Variants in ABHD17C observed in about 807,000 individuals in gnomAD.
The protein encoded by ABHD17C is abhydrolase domain containing 17C, depalmitoylase.
A neutral mutation model predicts 27.9 loss-of-function variants in ABHD17C; 11 were observed. The ratio of observed to expected loss-of-function variants is 0.39; its 90% CI spans 0.25 to 0.65. ABHD17C has a LOEUF of 0.65. Ranked by LOEUF, ABHD17C falls within the 30% of genes least tolerant of loss-of-function variation. The probability of loss-of-function intolerance (pLI) is 0.45; values close to 1 mark genes in which losing one functional copy is unlikely to be tolerated. For missense variants in ABHD17C, 280 were observed against 470.2 expected (o/e 0.60, Z 3.74); for synonymous variants, 233 against 209.1 (o/e 1.11, Z -0.98).
chr15:80,695,612 G>A lies in ABHD17C; in HGVS notation c.183G>A (p.Gln61=). ...GAGASAPAPA[Q]ATAAAAAAQP... is the part of the protein sequence containing the mutation. ...GCGCGTCCGCCCCGGCCCCGGCCCA[G>A]GCTACCGCCGCCGCCGCCGCGGCCC... Residue 61 remains glutamine, a synonymous_variant, in exon 1 of 3, where the codon CAG becomes CAA. Coordinates refer to ENST00000258884, the MANE Select transcript of ABHD17C (RefSeq NM_021214.2). The surrounding 1 kb of genome is among the most constrained non-coding windows in gnomAD (Gnocchi z 4.3). The A allele has an allele frequency of 8.6e-7, 1 of 1,164,778 alleles. No homozygotes were observed. Among genetic ancestry groups the A allele is most frequent in the African/African-American group, 1.6e-5 (1 of 61,332 alleles). 72.2% of individuals were successfully genotyped at this position (1,164,778 alleles called of 1,614,324 possible).
chr15:80,730,063 C>T (rs1330291664), intron 1 of ABHD17C, among the ~76,000 whole-genome samples: 1 of 151,916 alleles, frequency 6.6e-6, no homozygotes, highest in Non-Finnish European at 1.5e-5. Flanking sequence ...GAGCTGAGAT[C>T]GCGCCACTGC....
At chr15:80,750,436 C>T (rs1895351077) in intron 2 of ABHD17C, among the ~76,000 whole-genome samples, 1 of 152,118 alleles carries the variant, frequency 6.6e-6, no homozygotes, top group African/African-American at 2.4e-5. Flanking sequence ...AGGATTGTTA[C>T]CCCAGGACTG....
intron 1 of ABHD17C, among the ~76,000 whole-genome samples, chr15:80,744,106 T>C (rs953681695): frequency 1.3e-5 from 2 of 151,612 alleles, no homozygotes; most frequent in Non-Finnish European, 2.9e-5. Context: ...GTCTCTTTTT[T>C]CCCCCCTCTG....
intron 1 of ABHD17C, chr15:80,704,881 C>T (rs1268332271): frequency 1.3e-5 from 2 of 152,256 alleles, no homozygotes; most frequent in African/African-American, 2.4e-5. Context: ...CTTTTTGAGA[C>T]CACGTGTGTG....
chr15:80,713,695 A>G (rs1256611078), intron 1 of ABHD17C, among the ~76,000 whole-genome samples: 1 of 151,694 alleles, frequency 6.6e-6, no homozygotes, highest in Non-Finnish European at 1.5e-5. Context: ...TGTAATCCCA[A>G]CTACTCGGGA....
intron 1 of ABHD17C, among the ~76,000 whole-genome samples, chr15:80,737,287 T>C (rs7171423): frequency 0.15 from 23,182 of 152,186 alleles, 1,938 homozygotes; most frequent in East Asian, 0.26. Context: ...TGCTTAAAAA[T>C]GTTAATGCTT....
chr15:80,722,535 C>G (rs1373114827), intron 1 of ABHD17C, among the ~76,000 whole-genome samples: 1 of 151,564 alleles, frequency 6.6e-6, no homozygotes, highest in Non-Finnish European at 1.5e-5. Flanking sequence ...CAGAAGTTTT[C>G]TCTTGCCCAC....
At position 80,700,213 on chromosome 15, in the gene ABHD17C, A is replaced by G. The variant is rs142930807; in HGVS notation, c.590+4194A>G. Among the ~76,000 whole-genome samples, 15 of 152,324 alleles carry G rather than the reference A, an allele frequency of 9.8e-5. No homozygotes were observed. In the East Asian group the frequency reaches 2.9e-3, roughly 29 times the overall value. Reference sequence around the variant, plus strand: ...CTGTGTGTGCACAAGTGGCACCATGACTCAAGAGACAGTGAATCAGACTGA... The same window carrying G: ...CTGTGTGTGCACAAGTGGCACCATGGCTCAAGAGACAGTGAATCAGACTGA... On this transcript the variant is annotated intron_variant, in intron 1 of 2. Transcript: ENST00000258884.
At chr15:80,705,362 T>TGTGTGTGTGTGTGTGTGTGTGTGTG (rs776574776) in intron 1 of ABHD17C, among the ~76,000 whole-genome samples, 3 of 150,624 alleles carry the variant, frequency 2.0e-5, no homozygotes, top group South Asian at 2.1e-4. Flanking sequence ...TGTGTGTGTG[T>TGTGTGTGTGTGTGTGTGTGTGTGTG]GTGTGGTTAG....
At chr15:80,720,991 C>G (rs973160722) in intron 1 of ABHD17C, among the ~76,000 whole-genome samples, 3 of 151,560 alleles carry the variant, frequency 2.0e-5, no homozygotes, top group Non-Finnish European at 2.9e-5. Flanking sequence ...AGACTTGGAT[C>G]CTTTGGTCTC....
intron 1 of ABHD17C, chr15:80,704,474 C>T (rs1462253856): frequency 8.5e-5 from 12 of 140,544 alleles, no homozygotes; most frequent in Non-Finnish European, 1.5e-4. Flanking sequence ...GGCTGCATGG[C>T]GCGTGTGTAA....
intron 1 of ABHD17C, among the ~76,000 whole-genome samples, chr15:80,726,498 CTGG>C (rs1894977900): frequency 9.1e-6 from 1 of 110,306 alleles, no homozygotes; most frequent in Non-Finnish European, 1.7e-5. Flanking sequence ...GCTTCTTTTT[CTGG>C]TTTTTTTTTT....
At chr15:80,714,163 C>T (rs973992822) in intron 1 of ABHD17C, among the ~76,000 whole-genome samples, 3 of 152,034 alleles carry the variant, frequency 2.0e-5, no homozygotes, top group Non-Finnish European at 4.4e-5. Flanking sequence ...GCCATTTTGT[C>T]CAGGCTGGTC....
At chr15:80,725,389 T>C (rs771102030) in intron 1 of ABHD17C, among the ~76,000 whole-genome samples, 3 of 152,252 alleles carry the variant, frequency 2.0e-5, no homozygotes, top group Non-Finnish European at 4.4e-5. Flanking sequence ...CTGCAGGTTC[T>C]TTAAGCTCGA....
chr15:80,753,815 G>A (rs554821417), intron 2 of ABHD17C, among the ~76,000 whole-genome samples: 1 of 152,290 alleles, frequency 6.6e-6, no homozygotes, highest in South Asian at 2.1e-4. Context: ...AAAAAATAAA[G>A]CAAGAAAAAG....
chr15:80,714,142 A>C (rs1209289604), intron 1 of ABHD17C, among the ~76,000 whole-genome samples: 1 of 151,768 alleles, frequency 6.6e-6, no homozygotes, highest in Non-Finnish European at 1.5e-5. Context: ...TTTTGTAGAG[A>C]AGAGATTTTT....
At chr15:80,730,345 C>T (rs1160773003) in intron 1 of ABHD17C, among the ~76,000 whole-genome samples, 3 of 152,220 alleles carry the variant, frequency 2.0e-5, no homozygotes, top group African/African-American at 7.2e-5. Context: ...GCCAGGCCTC[C>T]TATGCCCTCC....
intron 1 of ABHD17C, among the ~76,000 whole-genome samples, chr15:80,726,293 T>A (rs1481930828): frequency 1.3e-5 from 2 of 152,192 alleles, no homozygotes; most frequent in Non-Finnish European, 1.5e-5. Flanking sequence ...AGGGCCACCA[T>A]GAACATGTTA....
chr15:80,745,961 G>A (rs1474400176), intron 1 of ABHD17C, among the ~76,000 whole-genome samples: 1 of 152,172 alleles, frequency 6.6e-6, no homozygotes, highest in East Asian at 1.9e-4. Context: ...TTATCTCGGA[G>A]TAGAATTGCT....
Sources: allele counts gnomAD v4.1 joint callset (sites outside exome capture counted in the v4.1 genomes callset), GRCh38; gene constraint gnomAD v4.1.1; non-coding constraint Gnocchi (gnomAD v3.1); transcripts MANE v1.5; gene names NCBI Gene and HGNC (gene_info 2026-07-23, HGNC 2026-07-21).